The following CSNK2A2IP variants were observed in gnomAD, a reference collection of about 807,000 sequenced individuals.
CSNK2A2IP encodes the protein casein kinase 2 subunit alpha' interacting protein, also known as casein kinase II subunit alpha'-interacting protein.
the CSNK2A2IP span, among the ~76,000 whole-genome samples, chr3:88,426,055 T>C: frequency 6.6e-6 from 1 of 152,180 alleles, no homozygotes; most frequent in Non-Finnish European, 1.5e-5. Flanking sequence ...GCATTCTAAA[T>C]ATTTTCACAT....
chr3:88,367,971 T>A, the CSNK2A2IP span, among the ~76,000 whole-genome samples: 13 of 152,162 alleles, frequency 8.5e-5, no homozygotes, highest in African/African-American at 2.9e-4. Flanking sequence ...GTTGTGAAAA[T>A]GAATATACCA....
chr3:88,435,781 TAAG>T, the CSNK2A2IP span, among the ~76,000 whole-genome samples: 29,262 of 151,882 alleles, frequency 0.19, 3,011 homozygotes, highest in African/African-American at 0.24. Flanking sequence ...CTTAGCTAAA[TAAG>T]AAGATCTGTC....
At chr3:88,343,967 A>G in the CSNK2A2IP span, among the ~76,000 whole-genome samples, 1 of 151,960 alleles carries the variant, frequency 6.6e-6, no homozygotes, top group African/African-American at 2.4e-5. Flanking sequence ...TATTTATAGG[A>G]TGGCACATAA....
chr3:88,369,872 A>G, the CSNK2A2IP span, among the ~76,000 whole-genome samples: 25 of 152,032 alleles, frequency 1.6e-4, no homozygotes, highest in Non-Finnish European at 4.4e-5. Flanking sequence ...GGGGACCTAG[A>G]GGCAAGAAAC....
At chr3:88,417,268 A>G in the CSNK2A2IP span, among the ~76,000 whole-genome samples, 1 of 151,978 alleles carries the variant, frequency 6.6e-6, no homozygotes, top group Non-Finnish European at 1.5e-5. Flanking sequence ...CCTTTTTTTT[A>G]CTGCCTCTGT....
the CSNK2A2IP span, among the ~76,000 whole-genome samples, chr3:88,457,678 A>G: frequency 2.5e-4 from 37 of 145,966 alleles, no homozygotes; most frequent in African/African-American, 9.7e-4. Flanking sequence ...CCTGGGTGAA[A>G]GAGTGAGACT....
At chr3:88,433,947 T>G in the CSNK2A2IP span, among the ~76,000 whole-genome samples, 1 of 152,218 alleles carries the variant, frequency 6.6e-6, no homozygotes, top group Admixed American at 6.5e-5. Flanking sequence ...ACTGGTCATT[T>G]ACTCTTGTCT....
the CSNK2A2IP span, among the ~76,000 whole-genome samples, chr3:88,464,156 A>C: frequency 8.9e-6 from 1 of 112,592 alleles, no homozygotes; most frequent in Non-Finnish European, 1.8e-5. Context: ...CACACCGGGG[A>C]CTGTTGTGGT....
chr3:88,457,173 G>A, the CSNK2A2IP span, among the ~76,000 whole-genome samples: 1 of 152,076 alleles, frequency 6.6e-6, no homozygotes, highest in Non-Finnish European at 1.5e-5. Flanking sequence ...TCTCCAATCT[G>A]TGAATATTCT....
the CSNK2A2IP span, among the ~76,000 whole-genome samples, chr3:88,438,607 A>G: frequency 6.6e-6 from 1 of 152,180 alleles, no homozygotes; most frequent in Admixed American, 6.5e-5. Flanking sequence ...CGCACAGAGA[A>G]GCCAAGAATC....
the CSNK2A2IP span, among the ~76,000 whole-genome samples, chr3:88,392,905 A>G: frequency 6.6e-6 from 1 of 152,204 alleles, no homozygotes; most frequent in Admixed American, 6.5e-5. Context: ...GAGGTTAAAA[A>G]TGCAGTTGTG....
the CSNK2A2IP span, among the ~76,000 whole-genome samples, chr3:88,453,612 G>A: frequency 6.6e-6 from 1 of 151,898 alleles, no homozygotes; most frequent in African/African-American, 2.4e-5. Flanking sequence ...TGTTTTGATG[G>A]TTTATTGAGA....
At chr3:88,380,911 G>A in the CSNK2A2IP span, among the ~76,000 whole-genome samples, 11 of 152,260 alleles carry the variant, frequency 7.2e-5, no homozygotes, top group African/African-American at 1.7e-4. Flanking sequence ...CCAGCTAAGT[G>A]TTTAGTTTAT....
the CSNK2A2IP span, among the ~76,000 whole-genome samples, chr3:88,414,385 C>T: frequency 7.2e-6 from 1 of 139,810 alleles, no homozygotes; most frequent in Non-Finnish European, 1.5e-5. Flanking sequence ...TGGGTTCAAG[C>T]GATACTCCTG....
chr3:88,364,042 G>A, the CSNK2A2IP span, among the ~76,000 whole-genome samples: 3 of 152,050 alleles, frequency 2.0e-5, no homozygotes, highest in African/African-American at 7.2e-5. Context: ...GTCTGTCTTT[G>A]GCAGTCTAGT....
chr3:88,400,374 A>C, the CSNK2A2IP span, among the ~76,000 whole-genome samples: 21 of 152,202 alleles, frequency 1.4e-4, no homozygotes, highest in African/African-American at 4.8e-4. Context: ...GGTAGGTGGG[A>C]GGAACAGGAG....
chr3:88,382,252 G>A, the CSNK2A2IP span, among the ~76,000 whole-genome samples: 2 of 152,166 alleles, frequency 1.3e-5, no homozygotes, highest in Non-Finnish European at 2.9e-5. Flanking sequence ...GTGATCCTTG[G>A]TACAATCCTC....
chr3:88,467,544 AT>A, the CSNK2A2IP span: 2 of 398,342 alleles, frequency 5.0e-6, no homozygotes, highest in East Asian at 7.1e-5. Context: ...CACTGTTCAA[AT>A]TTTTCCGGAC....
the CSNK2A2IP span, among the ~76,000 whole-genome samples, chr3:88,403,525 G>A: frequency 2.6e-5 from 4 of 152,026 alleles, no homozygotes; most frequent in African/African-American, 9.7e-5. Context: ...TGACCCCTTA[G>A]CTTGCTTCAT....
Sources: gnomAD v4.1 joint callset for allele counts (sites outside exome capture counted in the v4.1 genomes callset) on GRCh38, gnomAD v4.1.1 for gene constraint, MANE v1.5 for transcripts, NCBI Gene and HGNC (gene_info 2026-07-23, HGNC 2026-07-21) for gene names.